LDAF1: variants seen among roughly 807,000 people sequenced by gnomAD.
The protein encoded by LDAF1 is PROMETHIN.
LDAF1 carries 7 observed loss-of-function variants against 13.5 expected under a neutral mutation model. That is an observed-to-expected ratio of 0.52 (90% CI 0.29 to 0.97). The LOEUF (loss-of-function observed/expected upper bound fraction) is 0.97. LDAF1 is among the 50% of genes least tolerant of loss of function. The probability of loss-of-function intolerance (pLI) is 0.07; values close to 1 mark genes in which losing one functional copy is unlikely to be tolerated. For missense variants in LDAF1, 148 were observed against 193.2 expected (o/e 0.77, Z 1.39); for synonymous variants, 69 against 77.1 (o/e 0.89, Z 0.55).
chr16:21,161,381 A>C, intron 2 of LDAF1, 103 bp downstream of exon 2: 1 of 1,403,264 alleles, frequency 7.1e-7, no homozygotes, highest in South Asian at 1.4e-5. Context: ...TTTGGAGGTA[A>C]GTCAAGAATC....
At position 21,169,950 on chromosome 16, in the gene LDAF1, GTTATTC is replaced by G. The variant is rs199916119; in HGVS notation, c.97-481_97-476del. On this transcript the variant is annotated intron_variant, in intron 2 of 4. Transcript: ENST00000233047. The stretch of plus-strand genomic sequence containing the variant: ...TTTTTTGAGACGGAGTTTCGCTCTT[GTTATTC>G]TTATTATCATTTTTGAGATGGAGTC... Among the ~76,000 whole-genome samples, 1,079 of 145,690 alleles carry G rather than the reference GTTATTC, an allele frequency of 7.4e-3. 14 individuals carry two copies. The highest frequency in any genetic ancestry group is 0.026 in the African/African-American group (1,007 of 39,038).
At chr16:21,172,853 C>T (rs1180653249) in intron 3 of LDAF1, 1 of 985,290 alleles carries the variant, frequency 1.0e-6, no homozygotes, top group Non-Finnish European at 1.2e-6. Flanking sequence ...CTCTTCCTTC[C>T]AGCCTTTTCA....
chr16:21,166,176 A>G (rs1374977059), intron 2 of LDAF1, among the ~76,000 whole-genome samples: 1 of 152,124 alleles, frequency 6.6e-6, no homozygotes, highest in East Asian at 1.9e-4. Flanking sequence ...ATTAATTTTA[A>G]TAATATATTC....
rs1331450241 is a variant in LDAF1, at chr16:21,179,655, T to C, written c.*99T>C. 5 of 1,028,978 alleles carry C rather than the reference T, an allele frequency of 4.9e-6. No individual in the cohort carries two copies. In the East Asian group the frequency reaches 9.9e-5, roughly 20 times the overall value. 63.7% of individuals were successfully genotyped at this position (1,028,978 alleles called of 1,614,324 possible). A position where few individuals can be genotyped will look rare whatever the true frequency, so the allele number is the denominator to read the frequency against. ...AGAAGGGGGCTGGGTAGGCAAGCAC[T>C]CCTTGGCTGTGTCCTCTCGCTTTTT... On this transcript the variant is annotated 3_prime_UTR_variant, in exon 5 of 5. Coordinates refer to ENST00000233047, the MANE Select transcript of LDAF1 (RefSeq NM_001301771.2).
At chr16:21,163,104 A>G (rs778459957) in intron 2 of LDAF1, among the ~76,000 whole-genome samples, 2 of 152,240 alleles carry the variant, frequency 1.3e-5, no homozygotes, top group Non-Finnish European at 2.9e-5. Context: ...TATTTTCTGC[A>G]TAAGGCACAT....
rs541031615 is a variant in LDAF1 at position 21,161,092 on chromosome 16, C to G, written c.-91C>G. On this transcript the variant is annotated 5_prime_UTR_variant, in exon 2 of 5. Transcript: ENST00000233047. ...TGTTTCCTCTGGTAACAGCAAGAGA[C>G]AGAGCGACATGAGAGATTGGACCGC... The G allele has an allele frequency of 7.1e-6, 11 of 1,555,086 alleles. No individual in the cohort carries two copies. Among genetic ancestry groups the G allele is most frequent in the African/African-American group, 2.7e-5 (2 of 73,064 alleles).
At chr16:21,160,948 G>A (rs2152841408) in intron 1 of LDAF1, 137 bp from the exon 2 acceptor site, 1 of 1,058,006 alleles carries the variant, frequency 9.5e-7, no homozygotes, top group Non-Finnish European at 1.2e-6. Context: ...TGAAGTGTGT[G>A]CAATCTGAAA....
rs1454551598 is a variant in LDAF1 at position 21,170,513 on chromosome 16, T to C, written c.173T>C (p.Phe58Ser). The C allele has an allele frequency of 1.9e-6, 3 of 1,614,178 alleles. No homozygotes were observed. Among genetic ancestry groups the C allele is most frequent in the Non-Finnish European group, 2.5e-6 (3 of 1,180,030 alleles). The change falls in exon 3 of 5, where the codon TTC becomes TCC. Residue 58 changes from phenylalanine to serine, a missense_variant. Coordinates refer to ENST00000233047, the MANE Select transcript of LDAF1 (RefSeq NM_001301771.2). The part of the protein sequence containing the change: ...HPFLAFTLLV[F>S]IVMSAVPVGF... ...TTTCTGGCCTTCACCTTGCTGGTGT[T>C]CATTGTCATGTCGGCCGTTCCTGTT...
At chr16:21,172,304 G>A (rs551443119) in intron 3 of LDAF1, among the ~76,000 whole-genome samples, 9 of 151,920 alleles carry the variant, frequency 5.9e-5, no homozygotes, top group East Asian at 5.9e-4. Context: ...AAAATTAGCC[G>A]GGCATGGTGG....
intron 3 of LDAF1, chr16:21,172,765 G>A (rs1567199841): frequency 1.1e-5 from 10 of 898,882 alleles, no homozygotes; most frequent in Non-Finnish European, 1.3e-5. Flanking sequence ...TGATGCAGGT[G>A]GTTGGCACCA....
Position 21,170,606 on chromosome 16 carries a change from G to A in LDAF1, c.265+1G>A. The A allele has an allele frequency of 6.2e-7, 1 of 1,614,116 alleles. No individual in the cohort carries two copies. On this transcript the variant is annotated splice_donor_variant, in intron 3 of 4. Coordinates refer to ENST00000233047, the MANE Select transcript of LDAF1 (RefSeq NM_001301771.2). LOFTEE classifies it high-confidence loss of function. ...CTGCTGGGGGTCATAATATTGGAAG[G>A]TAGCCTGTTCCGTCATTCACCCCTT...
At chr16:21,162,484 C>G (rs1329408450) in intron 2 of LDAF1, among the ~76,000 whole-genome samples, 1 of 152,188 alleles carries the variant, frequency 6.6e-6, no homozygotes, top group Non-Finnish European at 1.5e-5. Context: ...AAACAGCTTT[C>G]AGAGATAATA....
intron 2 of LDAF1, chr16:21,166,941 G>C: frequency 6.5e-7 from 1 of 1,532,194 alleles, no homozygotes; most frequent in Non-Finnish European, 8.7e-7. Flanking sequence ...TCTCTGGCTA[G>C]AGAAGCGGAA....
chr16:21,170,411 C>A (rs1597551612), intron 2 of LDAF1, 26 bp from the exon 3 acceptor site: 1 of 1,613,026 alleles, frequency 6.2e-7, no homozygotes. Context: ...GTTACTTATC[C>A]CTGGCTCTTT....
At chr16:21,171,186 G>C (rs1320387091) in intron 3 of LDAF1, among the ~76,000 whole-genome samples, 2 of 152,168 alleles carry the variant, frequency 1.3e-5, no homozygotes, top group African/African-American at 4.8e-5. Flanking sequence ...CCTTCCTCCT[G>C]AAGTTCCACT....
chr16:21,163,613 C>G (rs1270167945), intron 2 of LDAF1, among the ~76,000 whole-genome samples: 1 of 152,258 alleles, frequency 6.6e-6, no homozygotes, highest in East Asian at 1.9e-4. Flanking sequence ...CCACTGTACT[C>G]CAGCCTGGGT....
At chr16:21,165,688 T>A (rs949720295) in intron 2 of LDAF1, 1 of 845,502 alleles carries the variant, frequency 1.2e-6, no homozygotes, top group Non-Finnish European at 1.4e-6. Context: ...AATCATTCCT[T>A]TAATCATGTC....
intron 4 of LDAF1, 146 bp downstream of exon 4, chr16:21,174,294 GTTCTC>G: frequency 4.4e-6 from 3 of 684,402 alleles, no homozygotes; most frequent in Non-Finnish European, 6.9e-6. Context: ...GGCTCAAGCA[GTTCTC>G]CTGCTTCAGC....
At position 21,179,970 on chromosome 16, in the gene LDAF1, GA is replaced by G. The variant is rs974852963; in HGVS notation, c.*424del. On this transcript the variant is annotated 3_prime_UTR_variant, in exon 5 of 5. Coordinates refer to ENST00000233047, the MANE Select transcript of LDAF1 (RefSeq NM_001301771.2). ...TTTTTTCACTCATGTGAAACAAAAT[GA>G]AAAAAAAAATCCAAAACAGAACAAG... The G allele has an allele frequency of 1.7e-4, 26 of 152,614 alleles. No homozygotes were observed. The highest frequency in any genetic ancestry group is 5.9e-4 in the South Asian group (3 of 5,048). The allele number at this position is 152,614 out of a possible 1,614,324, so 9.5% of individuals were successfully genotyped here. A position where few individuals can be genotyped will look rare whatever the true frequency, so the allele number is the denominator to read the frequency against.
Sources: allele counts gnomAD v4.1 joint callset (sites outside exome capture counted in the v4.1 genomes callset), GRCh38; gene constraint gnomAD v4.1.1; transcripts MANE v1.5; gene names NCBI Gene and HGNC (gene_info 2026-07-23, HGNC 2026-07-21).